Variants in DACT3 observed in about 807,000 individuals in gnomAD.
DACT3 encodes dishevelled binding antagonist of beta catenin 3, also known as dapper homolog 3.
In DACT3, 5 loss-of-function variants were observed where a neutral mutation model predicts 19.6. That is an observed-to-expected ratio of 0.26 (90% CI 0.13 to 0.54). The LOEUF (loss-of-function observed/expected upper bound fraction) is 0.54. Among genes scored for constraint, DACT3 ranks in the 20% least tolerant of loss-of-function variants. The pLI, the probability that DACT3 is intolerant of heterozygous loss-of-function variation, is 0.95. For missense variants in DACT3, 908 were observed against 927.4 expected (o/e 0.98, Z 0.27); for synonymous variants, 454 against 428.1 (o/e 1.06, Z -0.75).
chr19:46,649,187 C>T lies in DACT3; in HGVS notation c.1185G>A (p.Glu395=), dbSNP rs2052952678. Residue 395 remains glutamate (E), a synonymous_variant, in exon 4 of 4, where the codon GAG becomes GAA. Transcript: ENST00000391916. ...CACGGCGGCCGGCGGCCCGGGGACG[C>T]TCCCGGGGTGGTGACTGCTCCACGC... ...GRSVEQSPPR[E]RPRAAGRRGR... 8.3e-7 allele frequency: 1 copy of T among 1,207,690 alleles called. No individual in the cohort carries two copies. Among genetic ancestry groups the T allele is most frequent in the East Asian group, 3.6e-5 (1 of 27,428 alleles). The allele number at this position is 1,207,690 out of a possible 1,614,324, so 74.8% of individuals were successfully genotyped here. A position where few individuals can be genotyped will look rare whatever the true frequency, so the allele number is the denominator to read the frequency against.
intron 1 of DACT3, among the ~76,000 whole-genome samples, chr19:46,656,270 G>A (rs1442940664): frequency 4.6e-5 from 7 of 151,648 alleles, no homozygotes; most frequent in South Asian, 2.1e-4. Context: ...GGTTGGTCTC[G>A]AACTCCTGAC....
Position 46,648,770 on chromosome 19 carries a change from G to T in DACT3, c.1602C>A (p.Arg534=). The change falls in exon 4 of 4, where the codon CGC becomes CGA. Residue 534 remains arginine, a synonymous_variant. Coordinates refer to ENST00000391916, the MANE Select transcript of DACT3 (RefSeq NM_145056.3). This position sits in a 1 kb window ranked among gnomAD's most constrained non-coding sequence, Gnocchi z 5.1. The stretch of plus-strand genomic sequence containing the variant: ...CGCCGACGCCTCCCGCAGGCCCCCG[G>T]CGTCCCAGGGGCCCCAGGCGCCCAG... ...CSAGRLGPLG[R]RGPAGGVGGG... 2 of 1,557,666 alleles carry T rather than the reference G, an allele frequency of 1.3e-6. No homozygotes were observed.
intron 1 of DACT3, among the ~76,000 whole-genome samples, chr19:46,657,908 C>T (rs1236232841): frequency 6.6e-6 from 1 of 151,710 alleles, no homozygotes; most frequent in Non-Finnish European, 1.5e-5. Context: ...AAAAATTAGC[C>T]AGGGGTGATG....
Position 46,652,651 on chromosome 19 carries a change from C to A in DACT3, c.499+9G>T, listed in dbSNP as rs1335092476. ...CCTGGCCCCAGGGCCCCACCCTCAC[C>A]CACCTTACCTAGGGACTTGGGCCTC... On this transcript the variant is annotated intron_variant, in intron 3 of 3. Coordinates refer to ENST00000391916, the MANE Select transcript of DACT3 (RefSeq NM_145056.3). 1.3e-6 allele frequency: 2 copies of A among 1,550,204 alleles called. No homozygotes were observed. Among genetic ancestry groups the A allele is most frequent in the Non-Finnish European group, 1.7e-6 (2 of 1,146,896 alleles).
At chr19:46,659,354 G>A in intron 1 of DACT3, 1 of 947,610 alleles carries the variant, frequency 1.1e-6, no homozygotes, top group Non-Finnish European at 1.3e-6. Flanking sequence ...AGATGGGGAA[G>A]GTGAAGGGTG....
At chr19:46,657,561 G>A (rs996592239) in intron 1 of DACT3, among the ~76,000 whole-genome samples, 13 of 151,100 alleles carry the variant, frequency 8.6e-5, no homozygotes, top group African/African-American at 3.2e-4. Context: ...CACCACGTTA[G>A]CCAAGATGGT....
At chr19:46,654,368 C>T in intron 1 of DACT3, 1 of 541,364 alleles carries the variant, frequency 1.8e-6, no homozygotes, top group Non-Finnish European at 2.4e-6. Context: ...CGCCTGTAGT[C>T]CCAGCTACTA....
At chr19:46,654,806 T>TC in intron 1 of DACT3, 13 of 985,306 alleles carry the variant, frequency 1.3e-5, no homozygotes, top group Non-Finnish European at 1.6e-5. Context: ...ACTGGCCGGC[T>TC]CCCCGGCAGC....
Position 46,649,374 on chromosome 19 carries a change from G to A in DACT3, c.998C>T (p.Ala333Val). ...AWASSWESEA[A>V]PEPAAPPAAP... is the part of the protein sequence containing the mutation. ...GGCGGGCGGCGCAGCGGGCTCGGGT[G>A]CCGCCTCCGACTCCCACGACGACGC... Residue 333 changes from alanine (A) to valine (V), a missense_variant, in exon 4 of 4, where the codon GCA becomes GTA. Physicochemically the swap from Ala to Val is moderately conservative, Grantham distance 64. Transcript: ENST00000391916. 3.1e-6 allele frequency: 4 copies of A among 1,272,192 alleles called. No homozygotes were observed. Among genetic ancestry groups the A allele is most frequent in the South Asian group, 4.0e-5 (2 of 50,226 alleles). 78.8% of individuals were successfully genotyped at this position (1,272,192 alleles called of 1,614,324 possible).
At position 46,660,904 on chromosome 19, in the gene DACT3, C is replaced by A; in HGVS notation, c.161G>T (p.Gly54Val). Residue 54 changes from glycine to valine, a missense_variant, in exon 1 of 4, where the codon GGC becomes GTC. Gly to Val is a moderately radical substitution (Grantham distance 109). Around this residue, in one of 2 missense-constraint regions of DACT3, gnomAD observed 252 missense variants for 325.6 expected, o/e 0.77. Coordinates refer to ENST00000391916, the MANE Select transcript of DACT3 (RefSeq NM_145056.3). The surrounding 1 kb of genome is among the most constrained non-coding windows in gnomAD (Gnocchi z 4.9). ...ALRLAQPGMG[G>V]AEAEDEEDAD... is the part of the protein sequence containing the mutation. The stretch of plus-strand genomic sequence containing the variant: ...GTCCTCCTCGTCCTCGGCCTCGGCG[C>A]CCCCCATTCCGGGCTGGGCCAGCCG... 1.3e-6 allele frequency: 2 copies of A among 1,537,600 alleles called. No individual in the cohort carries two copies. Among genetic ancestry groups the A allele is most frequent in the Admixed American group, 2.0e-5 (1 of 50,760 alleles).
chr19:46,659,624 G>T, intron 1 of DACT3: 1 of 175,598 alleles, frequency 5.7e-6, no homozygotes, highest in Non-Finnish European at 1.1e-5. Context: ...CGGGCGTGCA[G>T]CCCCGGGAGC....
Position 46,648,895 on chromosome 19 carries a change from G to A in DACT3, c.1477C>T (p.Arg493Ter). Residue 493 changes from arginine (R) to a stop codon, truncating the protein, a stop_gained, in exon 4 of 4, where the codon CGA becomes TGA. Coordinates refer to ENST00000391916, the MANE Select transcript of DACT3 (RefSeq NM_145056.3). LOFTEE classifies it low-confidence loss of function (END_TRUNC). This position sits in a 1 kb window ranked among gnomAD's most constrained non-coding sequence, Gnocchi z 5.1. ...CCGGGAACACGCGCCGCAGGGGCTC[G>A]GGGCCGCACGCGGCGCCCATCGGCA... ...DAADGRRVRP[R>*]APAARVPGPG... 7.3e-7 allele frequency: 1 copy of A among 1,372,190 alleles called. No homozygotes were observed. Among genetic ancestry groups the A allele is most frequent in the Non-Finnish European group, 9.3e-7 (1 of 1,072,070 alleles). The allele number at this position is 1,372,190 out of a possible 1,614,324, so 85.0% of individuals were successfully genotyped here. A position where few individuals can be genotyped will look rare whatever the true frequency, so the allele number is the denominator to read the frequency against.
chr19:46,655,925 C>CTCTCTCTCTCTCTCTCTCTCTCTCTATA (rs980735397), intron 1 of DACT3, among the ~76,000 whole-genome samples: 1 of 137,898 alleles, frequency 7.3e-6, no homozygotes, highest in African/African-American at 2.7e-5. Context: ...CTCTCTCTCT[C>CTCTCTCTCTCTCTCTCTCTCTCTCTATA]TATATATATA....
At chr19:46,655,901 G>GTCTCTCTCTC (rs140521907) in intron 1 of DACT3, among the ~76,000 whole-genome samples, 82 of 131,850 alleles carry the variant, frequency 6.2e-4, no homozygotes, top group African/African-American at 1.9e-3. Context: ...GTGAGACCCA[G>GTCTCTCTCTC]TCTCTCTCTC....
intron 1 of DACT3, among the ~76,000 whole-genome samples, chr19:46,653,610 G>A (rs2053008083): frequency 6.6e-6 from 1 of 150,968 alleles, no homozygotes; most frequent in Non-Finnish European, 1.5e-5. Flanking sequence ...CTGGAGGGCA[G>A]TGGCGTGATC....
At position 46,648,166 on chromosome 19, in the gene DACT3, C is replaced by A; in HGVS notation, c.*316G>T. 3.3e-6 allele frequency: 1 copy of A among 306,962 alleles called. No homozygotes were observed. Among genetic ancestry groups the A allele is most frequent in the East Asian group, 6.8e-5 (1 of 14,748 alleles). 19.0% of individuals were successfully genotyped at this position (306,962 alleles called of 1,614,324 possible). A position where few individuals can be genotyped will look rare whatever the true frequency, so the allele number is the denominator to read the frequency against. On this transcript the variant is annotated 3_prime_UTR_variant, in exon 4 of 4. Coordinates refer to ENST00000391916, the MANE Select transcript of DACT3 (RefSeq NM_145056.3). This position sits in a 1 kb window ranked among gnomAD's most constrained non-coding sequence, Gnocchi z 5.1. ...GCTTCTAAACTAAAACGGGGAAATT[C>A]AAACCGAATTACCCCTTTTGCATAC... is the stretch of plus-strand genomic sequence containing the variant.
At chr19:46,657,034 G>A (rs1467656121) in intron 1 of DACT3, among the ~76,000 whole-genome samples, 1 of 152,190 alleles carries the variant, frequency 6.6e-6, no homozygotes, top group Non-Finnish European at 1.5e-5. Context: ...AAAGCTCTAC[G>A]TTTTTTGGTA....
In DACT3 at chr19:46,661,004, C is replaced by T. The variant is rs2053071769; in HGVS notation, c.61G>A (p.Glu21Lys). The T allele has an allele frequency of 1.3e-6, 2 of 1,534,128 alleles. No homozygotes were observed. The highest frequency in any genetic ancestry group is 2.0e-5 in the Admixed American group (1 of 50,506). The change falls in exon 1 of 4, where the codon GAG (glutamate) becomes AAG (lysine). Residue 21 changes from glutamate (E) to lysine (K), a missense_variant. By Grantham distance (56) the Glu-to-Lys change is moderately conservative (BLOSUM62 1). Transcript: ENST00000391916. The stretch of plus-strand genomic sequence containing the variant: ...TCGCAGAGCCCGGCCAGGCTACCCT[C>T]CAGCCAGCCCCGCAGCCGGCCCCGC... ...PERGRLRGWLEGSLAGLCELH... is the reference protein window; with the variant it reads ...PERGRLRGWLKGSLAGLCELH...
rs1004016023 is a variant in DACT3, at chr19:46,649,621, C to G, written c.751G>C (p.Gly251Arg). Residue 251 changes from glycine (G) to arginine (R), a missense_variant, in exon 4 of 4, where the codon GGC (glycine) becomes CGC (arginine). Coordinates refer to ENST00000391916, the MANE Select transcript of DACT3 (RefSeq NM_145056.3). The part of the protein sequence containing the change: ...DAGGAGRPLD[G>R]YISALLRRRR... ...CTGCGCAGGAGCGCCGAGATGTAGCCGTCCAGGGGCCGCCCTGCGCCCCCC... is the reference window on the plus strand; with the variant it reads ...CTGCGCAGGAGCGCCGAGATGTAGCGGTCCAGGGGCCGCCCTGCGCCCCCC... 1.3e-5 allele frequency: 15 copies of G among 1,127,738 alleles called. No individual in the cohort carries two copies. Among genetic ancestry groups the G allele is most frequent in the African/African-American group, 1.7e-5 (1 of 59,902 alleles). 69.9% of individuals were successfully genotyped at this position (1,127,738 alleles called of 1,614,324 possible). A position where few individuals can be genotyped will look rare whatever the true frequency, so the allele number is the denominator to read the frequency against.
Sources: allele counts gnomAD v4.1 joint callset (sites outside exome capture counted in the v4.1 genomes callset), GRCh38; gene constraint gnomAD v4.1.1; regional missense constraint gnomAD v4.1.1; non-coding constraint Gnocchi (gnomAD v3.1); transcripts MANE v1.5; gene names NCBI Gene and HGNC (gene_info 2026-07-23, HGNC 2026-07-21).